Variants in TENM4 observed in about 807,000 individuals in gnomAD.
TENM4 encodes teneurin-4.
A neutral mutation model predicts 243.3 loss-of-function variants in TENM4; 82 were observed. The observed-to-expected ratio is 0.34, with a 90% CI of 0.28 to 0.40. TENM4 has a LOEUF of 0.40. Among genes scored for constraint, TENM4 ranks in the 10% least tolerant of loss-of-function variants. The pLI is 1.00. For missense variants in TENM4, 3,138 were observed against 3,673.3 expected, an observed-to-expected ratio of 0.85 and a Z score of 3.77; for synonymous variants, 1,412 against 1,456.3, an observed-to-expected ratio of 0.97 and a Z score of 0.69.
chr11:79,386,054 T>G (rs1858105391), intron 1 of TENM4, among the ~76,000 whole-genome samples: 1 of 152,208 alleles, frequency 6.6e-6, no homozygotes, highest in Non-Finnish European at 1.5e-5. Context: ...AAGATACACT[T>G]TAGAATCAGA....
At chr11:78,865,333 C>A (rs184004955) in intron 9 of TENM4, among the ~76,000 whole-genome samples, 1 of 152,156 alleles carries the variant, frequency 6.6e-6, no homozygotes, top group Non-Finnish European at 1.5e-5. Flanking sequence ...AGACTATAAT[C>A]CCAAACTCTT....
chr11:78,990,331 G>C (rs574834265), intron 6 of TENM4, among the ~76,000 whole-genome samples: 16 of 152,148 alleles, frequency 1.1e-4, no homozygotes, highest in African/African-American at 3.4e-4. Context: ...GCTTGGGGTC[G>C]CCTGGCTGTG....
chr11:78,738,321 G>A (rs1349948634), intron 20 of TENM4, 130 bp downstream of exon 20: 2 of 1,251,000 alleles, frequency 1.6e-6, no homozygotes, highest in African/African-American at 3.0e-5. Flanking sequence ...TTGCAGAGCT[G>A]GGCATTTGAA....
intron 2 of TENM4, among the ~76,000 whole-genome samples, chr11:79,273,647 G>A (rs939163102): frequency 6.6e-6 from 1 of 152,114 alleles, no homozygotes; most frequent in Admixed American, 6.5e-5. Flanking sequence ...GCCGGGCCTG[G>A]AACCAGGGCC....
At chr11:78,819,964 G>A (rs574405269) in intron 12 of TENM4, among the ~76,000 whole-genome samples, 2 of 152,314 alleles carry the variant, frequency 1.3e-5, no homozygotes, top group East Asian at 3.9e-4. Context: ...GAAGGAGCTT[G>A]AACTCCAGGA....
At chr11:79,168,284 A>G (rs1285751803) in intron 3 of TENM4, among the ~76,000 whole-genome samples, 1 of 152,192 alleles carries the variant, frequency 6.6e-6, no homozygotes, top group Non-Finnish European at 1.5e-5. Flanking sequence ...TCCCAAGTCA[A>G]GAAGCTCCCA....
intron 6 of TENM4, among the ~76,000 whole-genome samples, chr11:78,934,670 T>C (rs1419765348): frequency 6.6e-6 from 1 of 152,192 alleles, no homozygotes; most frequent in Non-Finnish European, 1.5e-5. Flanking sequence ...ACTTCAGGGA[T>C]TCAGCCATTA....
At chr11:79,139,718 TA>T (rs1352735383) in intron 4 of TENM4, among the ~76,000 whole-genome samples, 4 of 99,190 alleles carry the variant, frequency 4.0e-5, no homozygotes, top group Admixed American at 1.5e-4. Flanking sequence ...TATAAGTATA[TA>T]AAATATATAT....
intron 1 of TENM4, chr11:79,401,961 G>A (rs906792047): frequency 1.8e-5 from 6 of 335,494 alleles, no homozygotes; most frequent in Non-Finnish European, 3.5e-5. Context: ...GACGCCATGG[G>A]GATGGATGAG....
intron 12 of TENM4, among the ~76,000 whole-genome samples, chr11:78,823,145 C>A (rs1857772110): frequency 1.3e-5 from 2 of 152,214 alleles, no homozygotes; most frequent in South Asian, 2.1e-4. Context: ...CAGCCAAGTG[C>A]CGCGCTCTTC....
At chr11:78,722,332 AG>A (rs1855405122) in intron 24 of TENM4, among the ~76,000 whole-genome samples, 1 of 152,202 alleles carries the variant, frequency 6.6e-6, no homozygotes, top group South Asian at 2.1e-4. Context: ...TTTATAAAAA[AG>A]GTTCATGTGA....
Position 78,887,784 on chromosome 11 carries a change from G to A in TENM4, c.1084+2001C>T, listed in dbSNP as rs949573715. Among the ~76,000 whole-genome samples the A allele has an allele frequency of 3.3e-5, 5 of 152,260 alleles. No homozygotes were observed. The East Asian group carries it at 9.6e-4, about 29-fold the overall frequency. On this transcript the variant is annotated intron_variant, in intron 9 of 33. Coordinates refer to ENST00000278550, the MANE Select transcript of TENM4 (RefSeq NM_001098816.3). ...CTGGGAGAGAAAGAAGCCATGAGAT[G>A]GAAAACAGGAGAGAGTTTGATTAAT...
At chr11:79,023,585 G>A (rs1290348710) in intron 6 of TENM4, among the ~76,000 whole-genome samples, 1 of 151,156 alleles carries the variant, frequency 6.6e-6, no homozygotes, top group Non-Finnish European at 1.5e-5. Context: ...AAATCATGAT[G>A]ACTCTTTCTA....
At chr11:78,715,503 C>T (rs916131989) in intron 25 of TENM4, among the ~76,000 whole-genome samples, 2 of 152,166 alleles carry the variant, frequency 1.3e-5, no homozygotes, top group Non-Finnish European at 2.9e-5. Flanking sequence ...TGGAGTTTCT[C>T]AGATCAGTCA....
intron 6 of TENM4, among the ~76,000 whole-genome samples, chr11:78,918,133 C>A (rs973493702): frequency 1.3e-5 from 2 of 152,172 alleles, no homozygotes; most frequent in African/African-American, 4.8e-5. Flanking sequence ...AATTTCCACC[C>A]CTCACTGACC....
chr11:78,671,919 C>T (rs1353623060), intron 31 of TENM4, 114 bp downstream of exon 31: 2 of 1,345,904 alleles, frequency 1.5e-6, no homozygotes, highest in African/African-American at 1.5e-5. Context: ...CTGAACATTT[C>T]CTTTTGGTGA....
intron 1 of TENM4, among the ~76,000 whole-genome samples, chr11:79,390,254 A>T (rs1858204410): frequency 6.6e-6 from 1 of 152,216 alleles, no homozygotes; most frequent in East Asian, 1.9e-4. Context: ...CAAAGACCAG[A>T]CAGAGCCACC....
chr11:79,286,305 A>G (rs140750925), intron 2 of TENM4, among the ~76,000 whole-genome samples: 231 of 152,202 alleles, frequency 1.5e-3, no homozygotes, highest in African/African-American at 5.2e-3. Flanking sequence ...TCTACTAGTT[A>G]CTATGTATTC....
At chr11:78,660,743 A>G (rs1858010751) in intron 33 of TENM4, among the ~76,000 whole-genome samples, 1 of 152,114 alleles carries the variant, frequency 6.6e-6, no homozygotes, top group Non-Finnish European at 1.5e-5. Context: ...TCTCATAGAG[A>G]ATTTATGAAT....
Sources: allele counts gnomAD v4.1 joint callset (sites outside exome capture counted in the v4.1 genomes callset), GRCh38; gene constraint gnomAD v4.1.1; transcripts MANE v1.5; gene names NCBI Gene and HGNC (gene_info 2026-07-23, HGNC 2026-07-21).